The following DOCK3 variants were observed in gnomAD, a reference collection of about 807,000 sequenced individuals.
The protein encoded by DOCK3 is dedicator of cytokinesis 3.
In DOCK3, 60 loss-of-function variants were observed where a neutral mutation model predicts 265.6. That is an observed-to-expected ratio of 0.23 (90% CI 0.18 to 0.28). The LOEUF (loss-of-function observed/expected upper bound fraction) is 0.28, where lower values mean the gene tolerates loss of function less well. DOCK3 is among the 10% of genes least tolerant of loss of function. DOCK3 has a pLI of 1.00. For missense variants in DOCK3, 1,981 were observed against 2,594.3 expected (o/e 0.76, Z 5.14); for synonymous variants, 881 against 938.0 (o/e 0.94, Z 1.11).
At chr3:51,212,885 A>G (rs1344916467) in intron 13 of DOCK3, among the ~76,000 whole-genome samples, 1 of 152,080 alleles carries the variant, frequency 6.6e-6, no homozygotes, top group Non-Finnish European at 1.5e-5. Context: ...GTTTCTTGGA[A>G]AGCATGAGTT....
chr3:51,121,844 C>T (rs993558685), intron 9 of DOCK3, among the ~76,000 whole-genome samples: 2 of 152,086 alleles, frequency 1.3e-5, no homozygotes, highest in African/African-American at 4.8e-5. Context: ...AGTATCCAAT[C>T]CAAGATTTAA....
intron 5 of DOCK3, among the ~76,000 whole-genome samples, chr3:51,011,670 G>A (rs566884951): frequency 6.6e-6 from 1 of 152,330 alleles, no homozygotes; most frequent in Admixed American, 6.5e-5. Flanking sequence ...CGGGCGAGGA[G>A]CTGCATTCCT....
intron 12 of DOCK3, among the ~76,000 whole-genome samples, chr3:51,198,793 G>C (rs1348683722): frequency 6.6e-6 from 1 of 152,156 alleles, no homozygotes; most frequent in Non-Finnish European, 1.5e-5. Flanking sequence ...ACTTTGGGAG[G>C]CTGAGTCAGG....
chr3:51,274,543 C>T (rs1183204718), intron 24 of DOCK3, among the ~76,000 whole-genome samples: 2 of 152,016 alleles, frequency 1.3e-5, no homozygotes, highest in Non-Finnish European at 2.9e-5. Flanking sequence ...TTGGGGAGGA[C>T]AAGGAGGGAG....
chr3:50,900,138 A>G (rs1214956253), intron 4 of DOCK3, among the ~76,000 whole-genome samples: 1 of 152,004 alleles, frequency 6.6e-6, no homozygotes, highest in Non-Finnish European at 1.5e-5. Context: ...TGGTCTTTTC[A>G]CATAGTCCCA....
intron 5 of DOCK3, among the ~76,000 whole-genome samples, chr3:51,011,188 TCTC>T (rs2078935524): frequency 6.6e-6 from 1 of 152,170 alleles, no homozygotes; most frequent in East Asian, 1.9e-4. Flanking sequence ...TTGGGGAAGT[TCTC>T]CTGGATAATA....
At chr3:50,738,072 G>A (rs1166914028) in intron 1 of DOCK3, among the ~76,000 whole-genome samples, 1 of 152,186 alleles carries the variant, frequency 6.6e-6, no homozygotes, top group Non-Finnish European at 1.5e-5. Flanking sequence ...CATTCTGCCT[G>A]GAGATTATGG....
At chr3:51,312,178 T>C in intron 29 of DOCK3, 99 bp downstream of exon 29, 1 of 1,081,268 alleles carries the variant, frequency 9.2e-7, no homozygotes, top group Non-Finnish European at 1.4e-6. Context: ...ATTCATAGTA[T>C]CAAACAGCTT....
At chr3:51,134,081 C>G (rs1039360873) in intron 9 of DOCK3, among the ~76,000 whole-genome samples, 1 of 152,052 alleles carries the variant, frequency 6.6e-6, no homozygotes, top group African/African-American at 2.4e-5. Flanking sequence ...GCTTCCAGCT[C>G]CATCCATGTT....
chr3:50,932,247 G>T (rs1271458441), intron 4 of DOCK3, among the ~76,000 whole-genome samples: 1 of 152,168 alleles, frequency 6.6e-6, no homozygotes, highest in Non-Finnish European at 1.5e-5. Flanking sequence ...AAAACTGTAA[G>T]ACATAATCAG....
chr3:50,812,926 C>T (rs1028131481), intron 2 of DOCK3, among the ~76,000 whole-genome samples: 6 of 152,122 alleles, frequency 3.9e-5, no homozygotes, highest in African/African-American at 7.2e-5. Flanking sequence ...TGGTAACTGG[C>T]GCAATTGCAT....
intron 1 of DOCK3, among the ~76,000 whole-genome samples, chr3:50,730,133 GCT>G (rs976267118): frequency 1.5e-4 from 23 of 151,896 alleles, no homozygotes; most frequent in Admixed American, 1.4e-3. Context: ...TTGCACTAAC[GCT>G]TTTAAAAATA....
intron 10 of DOCK3, among the ~76,000 whole-genome samples, chr3:51,154,862 C>T (rs185456196): frequency 5.8e-4 from 89 of 152,286 alleles, no homozygotes; most frequent in Non-Finnish European, 1.1e-3. Flanking sequence ...AACTTTATTG[C>T]ACATAACATG....
chr3:51,256,666 T>C (rs1436438313), intron 22 of DOCK3, among the ~76,000 whole-genome samples: 1 of 150,352 alleles, frequency 6.7e-6, no homozygotes, highest in African/African-American at 2.4e-5. Flanking sequence ...CAATCTTGGC[T>C]CACTGCAGCC....
intron 5 of DOCK3, among the ~76,000 whole-genome samples, chr3:50,974,079 T>A (rs1430731808): frequency 1.3e-5 from 2 of 150,868 alleles, no homozygotes; most frequent in Non-Finnish European, 3.0e-5. Flanking sequence ...TTTTCTCCCA[T>A]TTTGTAGGTT....
chr3:50,948,158 G>A (rs1351249711), intron 5 of DOCK3, among the ~76,000 whole-genome samples: 10 of 150,636 alleles, frequency 6.6e-5, no homozygotes, highest in Middle Eastern at 3.4e-3. Flanking sequence ...CTGGGTTCAC[G>A]CTGTTCTCCT....
chr3:51,194,617 TA>T (rs1356527999), intron 12 of DOCK3, among the ~76,000 whole-genome samples: 1 of 152,194 alleles, frequency 6.6e-6, no homozygotes, highest in Non-Finnish European at 1.5e-5. Context: ...TAGAATTTTT[TA>T]TCATCTTGCT....
In DOCK3 at chr3:51,293,355, T is replaced by C. The variant is rs142985657; in HGVS notation, c.2922+13151T>C. On this transcript the variant is annotated intron_variant, in intron 27 of 52. Coordinates refer to ENST00000266037, the MANE Select transcript of DOCK3 (RefSeq NM_004947.5). ...ACCATTAATTGATTTTTGACAAAGA[T>C]GCCAAGAACACACAATGAAAAAAGG... Among the ~76,000 whole-genome samples, 59 of 152,238 alleles carry C rather than the reference T, an allele frequency of 3.9e-4. No homozygotes were observed. The East Asian group carries it at 8.9e-3, about 23-fold the overall frequency.
At chr3:50,948,401 CT>C (rs59584829) in intron 5 of DOCK3, among the ~76,000 whole-genome samples, 6 of 98,660 alleles carry the variant, frequency 6.1e-5, no homozygotes, top group African/African-American at 8.2e-5. Flanking sequence ...AAGTTTTAAT[CT>C]TTTTTTTTTT....
Sources: allele counts gnomAD v4.1 joint callset (sites outside exome capture counted in the v4.1 genomes callset), GRCh38; gene constraint gnomAD v4.1.1; transcripts MANE v1.5; gene names NCBI Gene and HGNC (gene_info 2026-07-23, HGNC 2026-07-21).